Variants in TF observed in about 807,000 individuals in gnomAD.
TF encodes the protein transferrin, also known as serotransferrin.
TF carries 55 observed loss-of-function variants against 82.4 expected under a neutral mutation model. That is an observed-to-expected ratio of 0.67 (90% CI 0.54 to 0.84). The LOEUF (loss-of-function observed/expected upper bound fraction) is 0.84, where lower values mean the gene tolerates loss of function less well. TF is among the 40% of genes least tolerant of loss of function. The probability of loss-of-function intolerance (pLI) is 0.00; values close to 1 mark genes in which losing one functional copy is unlikely to be tolerated. For missense variants in TF, 737 were observed against 868.4 expected, an observed-to-expected ratio of 0.85 and a Z score of 1.90; for synonymous variants, 332 against 332.6, an observed-to-expected ratio of 1.00 and a Z score of 0.02.
intron 10 of TF, 149 bp downstream of exon 10, chr3:133,764,424 A>C (rs1559874488): frequency 5.8e-6 from 4 of 694,250 alleles, no homozygotes; most frequent in Non-Finnish European, 5.2e-6. Context: ...GGGCTCCTTC[A>C]TCTCAAATCC....
upstream of TF, among the ~76,000 whole-genome samples, chr3:133,745,614 C>T (rs1933476857): frequency 6.6e-6 from 1 of 152,202 alleles, no homozygotes; most frequent in Non-Finnish European, 1.5e-5. Flanking sequence ...AAGAACAGGC[C>T]ACACCGTCCA....
rs955919354 is a variant in TF at position 133,793,022 on chromosome 3, C to A, written c.*14402C>A. 6.6e-6 allele frequency: 1 copy of A among 152,094 alleles called. No individual in the cohort carries two copies. Among genetic ancestry groups the A allele is most frequent in the Non-Finnish European group, 1.5e-5 (1 of 67,988 alleles). The allele number at this position is 152,094 out of a possible 1,614,324, so 9.4% of individuals were successfully genotyped here. ...GATTAAGATTGGAAAGATATGTCTA[C>A]AAGGTTTTCTTAAAAATTGGGGTTG... On this transcript the variant is annotated 3_prime_UTR_variant, in exon 17 of 17. Coordinates refer to ENST00000402696, the MANE Select transcript of TF (RefSeq NM_001063.4).
chr3:133,758,748 C>T (rs1017653808), intron 8 of TF, among the ~76,000 whole-genome samples: 2 of 152,206 alleles, frequency 1.3e-5, no homozygotes, highest in Admixed American at 6.5e-5. Flanking sequence ...TGACCATGTG[C>T]TAGCATTGCC....
intron 8 of TF, among the ~76,000 whole-genome samples, chr3:133,758,468 T>G (rs979724269): frequency 3.9e-5 from 6 of 152,206 alleles, no homozygotes; most frequent in Non-Finnish European, 5.9e-5. Flanking sequence ...CAAATATATA[T>G]TTGATTCTGT....
At chr3:133,729,383 TCG>T in the TF span, among the ~76,000 whole-genome samples, 1 of 152,214 alleles carries the variant, frequency 6.6e-6, no homozygotes, top group Non-Finnish European at 1.5e-5. Context: ...TCCCCCAGCC[TCG>T]CTGCTGCCTT....
At chr3:133,722,491 T>A in the TF span, among the ~76,000 whole-genome samples, 1 of 152,060 alleles carries the variant, frequency 6.6e-6, no homozygotes, top group Non-Finnish European at 1.5e-5. Flanking sequence ...CTTTGTTTCT[T>A]TATTCCTCTT....
chr3:133,668,816 C>A, the TF span, among the ~76,000 whole-genome samples: 42 of 152,184 alleles, frequency 2.8e-4, 1 homozygote, highest in East Asian at 7.7e-4. Flanking sequence ...GGGAAAAAAA[C>A]CCCTTAAATG....
the TF span, among the ~76,000 whole-genome samples, chr3:133,680,201 CT>C: frequency 6.6e-6 from 1 of 150,802 alleles, no homozygotes; most frequent in East Asian, 1.9e-4. Flanking sequence ...TTTTCTTTTT[CT>C]TTTTTTTCTT....
chr3:133,731,310 T>G, the TF span, among the ~76,000 whole-genome samples: 1 of 152,172 alleles, frequency 6.6e-6, no homozygotes, highest in African/African-American at 2.4e-5. Flanking sequence ...GTACAATCCT[T>G]AAATAATGTT....
At chr3:133,764,098 G>A (rs1441251146) in intron 9 of TF, 84 bp from the exon 10 acceptor site, 2 of 1,191,934 alleles carry the variant, frequency 1.7e-6, no homozygotes, top group East Asian at 4.7e-5. Context: ...TGCTGGAAAG[G>A]CTGCTTCAAG....
intron 1 of TF, 103 bp downstream of exon 1, chr3:133,746,586 G>C: frequency 7.4e-7 from 1 of 1,348,558 alleles, no homozygotes; most frequent in Non-Finnish European, 1.0e-6. Context: ...GCTCAGGCTG[G>C]AAGCCTGGGT....
At chr3:133,713,723 G>T in the TF span, among the ~76,000 whole-genome samples, 2 of 152,204 alleles carry the variant, frequency 1.3e-5, no homozygotes, top group African/African-American at 2.4e-5. Flanking sequence ...GGGTCCGGCA[G>T]TCAGCAGGTA....
the TF span, among the ~76,000 whole-genome samples, chr3:133,667,356 CA>C: frequency 2.7e-4 from 35 of 128,000 alleles, no homozygotes; most frequent in African/African-American, 5.4e-4. Flanking sequence ...GACTCTGACT[CA>C]AAAAAAAAAA....
chr3:133,713,889 T>G, the TF span, among the ~76,000 whole-genome samples: 3 of 152,150 alleles, frequency 2.0e-5, no homozygotes, highest in Non-Finnish European at 4.4e-5. Context: ...AAGCCACACA[T>G]AATACCTGTC....
chr3:133,724,633 T>C, the TF span, among the ~76,000 whole-genome samples: 1 of 152,210 alleles, frequency 6.6e-6, no homozygotes, highest in Non-Finnish European at 1.5e-5. Flanking sequence ...GTAGTTTCTT[T>C]TGCTGTGCAG....
the TF span, among the ~76,000 whole-genome samples, chr3:133,676,662 G>C: frequency 6.6e-6 from 1 of 152,264 alleles, no homozygotes; most frequent in Non-Finnish European, 1.5e-5. Context: ...GGCCACACAG[G>C]GAGCTCTGCT....
At chr3:133,776,908 GA>G in intron 15 of TF, 140 bp from the exon 16 acceptor site, 1 of 743,342 alleles carries the variant, frequency 1.3e-6, no homozygotes. Flanking sequence ...GCAGATAAAG[GA>G]GGTGGAAAAT....
chr3:133,676,748 C>T, the TF span, among the ~76,000 whole-genome samples: 3 of 152,370 alleles, frequency 2.0e-5, no homozygotes, highest in South Asian at 4.1e-4. Flanking sequence ...AGTGCAGCCC[C>T]GCTGGGATCG....
chr3:133,692,634 T>C, the TF span: 75,907 of 151,728 alleles, frequency 0.5, 19,507 homozygotes, highest in African/African-American at 0.62. Context: ...AATTAAGGGC[T>C]TTTTTTTTCT....
Sources: gnomAD v4.1 joint callset for allele counts (sites outside exome capture counted in the v4.1 genomes callset) on GRCh38, gnomAD v4.1.1 for gene constraint, MANE v1.5 for transcripts, NCBI Gene and HGNC (gene_info 2026-07-23, HGNC 2026-07-21) for gene names.